The following ANK2 variants were observed in gnomAD, a reference collection of about 807,000 sequenced individuals.
The protein encoded by ANK2 is ankyrin-2.
In ANK2, 83 loss-of-function variants were observed where a neutral mutation model predicts 360.5. The ratio of observed to expected loss-of-function variants is 0.23; its 90% CI spans 0.19 to 0.28. The LOEUF (loss-of-function observed/expected upper bound fraction) is 0.28, where lower values mean the gene tolerates loss of function less well. Among genes scored for constraint, ANK2 ranks in the 10% least tolerant of loss-of-function variants. ANK2 has a pLI of 1.00. For synonymous variants in ANK2, 1,740 were observed against 1,759.5 expected (o/e 0.99, Z 0.28); for missense variants, 4,201 against 4,795.7 (o/e 0.88, Z 3.66).
At chr4:112,993,574 G>A (rs1250635996) in intron 2 of ANK2, among the ~76,000 whole-genome samples, 1 of 151,898 alleles carries the variant, frequency 6.6e-6, no homozygotes, top group Non-Finnish European at 1.5e-5. Flanking sequence ...CCAAAGTGCT[G>A]GGATTACAGG....
chr4:113,132,747 C>A (rs949934919), intron 1 of ANK2, among the ~76,000 whole-genome samples: 3 of 152,068 alleles, frequency 2.0e-5, no homozygotes, highest in Admixed American at 2.0e-4. Context: ...AAATAGTCAA[C>A]ATTGGGGTTC....
intron 2 of ANK2, among the ~76,000 whole-genome samples, chr4:112,907,916 C>T (rs2085793040): frequency 6.6e-6 from 1 of 152,102 alleles, no homozygotes; most frequent in Non-Finnish European, 1.5e-5. Flanking sequence ...TAGAACTGTT[C>T]TTCGTTATCC....
At chr4:113,276,801 G>A (rs943953512) in intron 15 of ANK2, among the ~76,000 whole-genome samples, 7 of 152,280 alleles carry the variant, frequency 4.6e-5, no homozygotes, top group Admixed American at 3.9e-4. Flanking sequence ...TTGCTTCTTG[G>A]GGGATATTCT....
chr4:113,167,316 T>C (rs796977114), intron 1 of ANK2, among the ~76,000 whole-genome samples: 73 of 152,146 alleles, frequency 4.8e-4, no homozygotes, highest in African/African-American at 1.7e-3. Flanking sequence ...TTTTTTTTTT[T>C]TGGAAACAGA....
intron 37 of ANK2, 115 bp from the exon 38 acceptor site, chr4:113,352,930 C>A: frequency 8.1e-7 from 1 of 1,236,694 alleles, no homozygotes; most frequent in Non-Finnish European, 1.1e-6. Context: ...TTTTGTTGCC[C>A]CTCCCACCAC....
chr4:113,298,660 G>A (rs1204324957), intron 22 of ANK2, among the ~76,000 whole-genome samples: 3 of 151,920 alleles, frequency 2.0e-5, no homozygotes, highest in African/African-American at 2.4e-5. Context: ...CATATTATCC[G>A]ATTTAATTAT....
Position 113,336,738 on chromosome 4 carries a change from T to C in ANK2, c.3753T>C (p.Phe1251=). 1 of 1,614,088 alleles carries C rather than the reference T, an allele frequency of 6.2e-7. No individual in the cohort carries two copies. The highest frequency in any genetic ancestry group is 8.5e-7 in the Non-Finnish European group (1 of 1,179,998). ...KASSDVMLNG[F]GGDAPTLRLL... ...CAAGTGATGTCATGTTGAATGGTTT[T>C]GGGGGAGATGCACCAACCTTAAGAT... The change falls in exon 31 of 46, where the codon TTT becomes TTC. Residue 1251 remains phenylalanine (F), a synonymous_variant. Coordinates refer to ENST00000357077, the MANE Select transcript of ANK2 (RefSeq NM_001148.6).
At chr4:112,993,728 A>T (rs1317347267) in intron 2 of ANK2, among the ~76,000 whole-genome samples, 1 of 149,860 alleles carries the variant, frequency 6.7e-6, no homozygotes, top group East Asian at 2.0e-4. Flanking sequence ...TTTTTTTGAC[A>T]CAGGGACTCA....
At chr4:112,830,138 C>CT (rs2059403241) in intron 1 of ANK2, among the ~76,000 whole-genome samples, 2 of 152,168 alleles carry the variant, frequency 1.3e-5, no homozygotes, top group Admixed American at 1.3e-4. Flanking sequence ...GACACAGCGT[C>CT]TCATCACTGA....
chr4:112,874,362 C>T (rs1055922935), intron 1 of ANK2, among the ~76,000 whole-genome samples: 6 of 150,748 alleles, frequency 4.0e-5, no homozygotes, highest in South Asian at 2.1e-4. Context: ...GGATTACAGG[C>T]GTGAGCCACT....
At chr4:113,124,282 A>G (rs2095534988) in intron 1 of ANK2, among the ~76,000 whole-genome samples, 1 of 152,232 alleles carries the variant, frequency 6.6e-6, no homozygotes, top group African/African-American at 2.4e-5. Flanking sequence ...CAGCACTTCT[A>G]GGACTCCTAA....
intron 1 of ANK2, among the ~76,000 whole-genome samples, chr4:112,873,184 G>C (rs917723380): frequency 6.6e-6 from 1 of 151,436 alleles, no homozygotes; most frequent in African/African-American, 2.4e-5. Flanking sequence ...TGGTTTTGTT[G>C]ATTTAAGAAA....
In ANK2 at chr4:113,343,032, C is replaced by T. The variant is rs1259616424; in HGVS notation, c.4138C>T (p.Pro1380Ser). 1 of 1,613,948 alleles carries T rather than the reference C, an allele frequency of 6.2e-7. No individual in the cohort carries two copies. The highest frequency in any genetic ancestry group is 1.1e-5 in the South Asian group (1 of 91,082). The change falls in exon 34 of 46, where the codon CCC becomes TCC. Residue 1380 changes from proline to serine, a missense_variant. By Grantham distance (74) the Pro-to-Ser change is moderately conservative (BLOSUM62 -1). Coordinates refer to ENST00000357077, the MANE Select transcript of ANK2 (RefSeq NM_001148.6). ...TTTCACTCAGGTGTTAGAAGGAAAA[C>T]CCATCTACGTTGATTGTTTCGGCAA... ...SRDVEVLEGK[P>S]IYVDCFGNLV... is the part of the protein sequence containing the mutation.
chr4:113,244,818 A>G (rs558347941), intron 9 of ANK2, among the ~76,000 whole-genome samples: 149 of 152,008 alleles, frequency 9.8e-4, no homozygotes, highest in Non-Finnish European at 1.6e-3. Flanking sequence ...CCCTGTGTCC[A>G]TGTGTTCTCA....
At chr4:113,374,511 A>G (rs1024791701) in intron 45 of ANK2, among the ~76,000 whole-genome samples, 1 of 152,148 alleles carries the variant, frequency 6.6e-6, no homozygotes, top group Non-Finnish European at 1.5e-5. Flanking sequence ...GCAGTTTCTT[A>G]TTCACAAAAC....
At chr4:112,791,487 T>C in the ANK2 span, among the ~76,000 whole-genome samples, 60 of 139,706 alleles carry the variant, frequency 4.3e-4, no homozygotes, top group African/African-American at 7.5e-4. Context: ...TTCTTTTTTT[T>C]TTTTTTTTTT....
intron 2 of ANK2, among the ~76,000 whole-genome samples, chr4:113,014,401 T>C (rs1321682242): frequency 6.6e-6 from 1 of 152,212 alleles, no homozygotes; most frequent in Non-Finnish European, 1.5e-5. Context: ...GATTCTATTA[T>C]TATTCCCATT....
chr4:112,755,111 G>A, the ANK2 span, among the ~76,000 whole-genome samples: 2,967 of 152,178 alleles, frequency 0.019, 98 homozygotes, highest in African/African-American at 0.066. Context: ...CCCTGCTTCC[G>A]CACCTCAATC....
intron 2 of ANK2, among the ~76,000 whole-genome samples, chr4:113,182,980 T>C (rs2098447059): frequency 6.6e-6 from 1 of 151,446 alleles, no homozygotes; most frequent in Non-Finnish European, 1.5e-5. Context: ...GATGGGAGAA[T>C]TACTGGATGG....
Sources: gnomAD v4.1 joint callset for allele counts (sites outside exome capture counted in the v4.1 genomes callset) on GRCh38, gnomAD v4.1.1 for gene constraint, MANE v1.5 for transcripts, NCBI Gene and HGNC (gene_info 2026-07-23, HGNC 2026-07-21) for gene names.